The following CHD9 variants were observed in gnomAD, a reference collection of about 807,000 sequenced individuals.
CHD9 encodes the protein ATP-dependent chromatin remodeler CHD9.
A neutral mutation model predicts 316.1 loss-of-function variants in CHD9; 77 were observed. The observed-to-expected ratio is 0.24, with a 90% CI of 0.20 to 0.29. The LOEUF (loss-of-function observed/expected upper bound fraction) is 0.29, where lower values mean the gene tolerates loss of function less well. CHD9 is among the 10% of genes least tolerant of loss of function. The pLI, the probability that CHD9 is intolerant of heterozygous loss-of-function variation, is 1.00. For missense variants in CHD9, 2,763 were observed against 3,438.1 expected, an observed-to-expected ratio of 0.80 and a Z score of 4.91; for synonymous variants, 1,129 against 1,158.3, an observed-to-expected ratio of 0.97 and a Z score of 0.51.
intron 28 of CHD9, 100 bp from the exon 29 acceptor site, chr16:53,292,733 A>T: frequency 2.3e-6 from 2 of 855,572 alleles, no homozygotes; most frequent in Non-Finnish European, 3.7e-6. Context: ...TTTTTTCCCC[A>T]CATAGATTGA....
chr16:53,318,191 G>A (rs1455084392), intron 36 of CHD9, 21 bp from the exon 37 acceptor site: 1 of 1,592,428 alleles, frequency 6.3e-7, no homozygotes, highest in East Asian at 2.2e-5. Flanking sequence ...TTAAAGATAT[G>A]TCTTTATCTA....
In CHD9 at chr16:53,226,466, A is replaced by G. The variant is rs1488941758; in HGVS notation, c.1997A>G (p.Lys666Arg). 6.2e-7 allele frequency: 1 copy of G among 1,608,624 alleles called. No homozygotes were observed. Among genetic ancestry groups the G allele is most frequent in the African/African-American group, 1.3e-5 (1 of 74,766 alleles). ...EEVKGSMKIK[K>R]NSAPLPGEQP... The stretch of plus-strand genomic sequence containing the variant: ...GTTAAAGGTTCTATGAAAATAAAAA[A>G]GAATTCAGCTCCTTTACCTGGTGAA... The change falls in exon 5 of 39, where the codon AAG (lysine) becomes AGG (arginine). Residue 666 changes from lysine (K) to arginine (R), a missense_variant. Transcript: ENST00000447540.
chr16:53,264,451 T>G (rs1374491131), intron 20 of CHD9, among the ~76,000 whole-genome samples: 1 of 152,074 alleles, frequency 6.6e-6, no homozygotes, highest in African/African-American at 2.4e-5. Context: ...ATAATAAGAA[T>G]GGACATTCTT....
At chr16:53,270,121 T>C (rs905778103) in intron 22 of CHD9, among the ~76,000 whole-genome samples, 2 of 150,944 alleles carry the variant, frequency 1.3e-5, no homozygotes, top group Non-Finnish European at 2.9e-5. Context: ...CCTCCTCCCC[T>C]ATAGCTGGGA....
chr16:53,077,988 C>T (rs2034693805), intron 1 of CHD9, among the ~76,000 whole-genome samples: 1 of 152,184 alleles, frequency 6.6e-6, no homozygotes, highest in South Asian at 2.1e-4. Flanking sequence ...GCAGGAGAGT[C>T]GCTTGAACCG....
intron 2 of CHD9, among the ~76,000 whole-genome samples, chr16:53,182,306 C>T (rs2152808262): frequency 6.6e-6 from 1 of 152,248 alleles, no homozygotes. Context: ...GTGATCTTCT[C>T]ATCCCAACCT....
intron 2 of CHD9, among the ~76,000 whole-genome samples, chr16:53,201,753 T>C (rs2045476752): frequency 2.0e-5 from 3 of 152,198 alleles, no homozygotes; most frequent in Admixed American, 2.0e-4. Flanking sequence ...CCTCCATGGA[T>C]ATTTTTGAAG....
chr16:53,115,567 C>T (rs1463852095), intron 1 of CHD9, among the ~76,000 whole-genome samples: 1 of 152,180 alleles, frequency 6.6e-6, no homozygotes, highest in African/African-American at 2.4e-5. Flanking sequence ...CTAATAAAGG[C>T]TTCCAGTGTC....
At chr16:53,141,767 AAATG>A (rs1364637836) in intron 1 of CHD9, among the ~76,000 whole-genome samples, 1 of 152,244 alleles carries the variant, frequency 6.6e-6, no homozygotes, top group Non-Finnish European at 1.5e-5. Flanking sequence ...TACAAAAAAA[AAATG>A]AGTGTATAAT....
At chr16:53,134,873 G>A (rs1333054847) in intron 1 of CHD9, among the ~76,000 whole-genome samples, 3 of 152,176 alleles carry the variant, frequency 2.0e-5, no homozygotes, top group Non-Finnish European at 4.4e-5. Flanking sequence ...TGCATAATAA[G>A]TGATCCCTGC....
chr16:53,113,644 G>T (rs551151547), intron 1 of CHD9, among the ~76,000 whole-genome samples: 36 of 151,728 alleles, frequency 2.4e-4, no homozygotes, highest in Admixed American at 3.9e-4. Context: ...GGAGGAGAGT[G>T]GTTTCCAGTT....
intron 24 of CHD9, among the ~76,000 whole-genome samples, chr16:53,275,543 G>A (rs1176178057): frequency 6.6e-6 from 1 of 152,144 alleles, no homozygotes; most frequent in Non-Finnish European, 1.5e-5. Flanking sequence ...ATACCAGGGA[G>A]TGCTACTAGA....
At chr16:53,178,911 G>A (rs2043282242) in intron 2 of CHD9, among the ~76,000 whole-genome samples, 1 of 152,198 alleles carries the variant, frequency 6.6e-6, no homozygotes, top group African/African-American at 2.4e-5. Context: ...TACTTGAGAA[G>A]CTGAGTTCAG....
In CHD9 at chr16:53,189,223, A is replaced by C. The variant is rs117871780; in HGVS notation, c.1453-20259A>C. Among the ~76,000 whole-genome samples, 1,382 of 152,246 alleles carry C rather than the reference A, an allele frequency of 9.1e-3. 6 individuals are homozygous for C. The highest frequency in any genetic ancestry group is 0.025 in the South Asian group (121 of 4,818). On this transcript the variant is annotated intron_variant, in intron 2 of 38. Coordinates refer to ENST00000447540, the MANE Select transcript of CHD9 (RefSeq NM_001308319.2). ...TTGAATAGAAGTGACAAGAGTAGAT[A>C]ACCTTGTCTTGTTCATGATCTTAGG...
intron 2 of CHD9, among the ~76,000 whole-genome samples, chr16:53,177,063 C>T (rs1597300330): frequency 1.3e-5 from 2 of 152,300 alleles, no homozygotes; most frequent in East Asian, 3.9e-4. Flanking sequence ...TCCAGTGATT[C>T]TCCTGCCTCA....
At chr16:53,282,222 G>A (rs537265901) in intron 24 of CHD9, among the ~76,000 whole-genome samples, 13 of 151,964 alleles carry the variant, frequency 8.6e-5, no homozygotes, top group South Asian at 4.2e-4. Context: ...ACACACATGC[G>A]TGCACACAAC....
At chr16:53,144,356 A>T (rs534302849) in intron 1 of CHD9, among the ~76,000 whole-genome samples, 1 of 152,286 alleles carries the variant, frequency 6.6e-6, no homozygotes, top group South Asian at 2.1e-4. Flanking sequence ...ATATGTTATC[A>T]CATATTCAGT....
chr16:53,158,941 G>A (rs1424828098), intron 2 of CHD9, among the ~76,000 whole-genome samples: 1 of 152,046 alleles, frequency 6.6e-6, no homozygotes, highest in African/African-American at 2.4e-5. Context: ...CCAGTCTTAA[G>A]TGTTTTTATT....
intron 5 of CHD9, 32 bp downstream of exon 5, chr16:53,226,544 AT>A: frequency 6.3e-7 from 1 of 1,578,836 alleles, no homozygotes; most frequent in Non-Finnish European, 8.5e-7. Flanking sequence ...ACTGCAAAAC[AT>A]TTTAAACCGA....
Sources: gnomAD v4.1 joint callset for allele counts (sites outside exome capture counted in the v4.1 genomes callset) on GRCh38, gnomAD v4.1.1 for gene constraint, MANE v1.5 for transcripts, NCBI Gene and HGNC (gene_info 2026-07-23, HGNC 2026-07-21) for gene names.